ARPP21: variants seen among roughly 807,000 people sequenced by gnomAD.
ARPP21 encodes the protein cAMP regulated phosphoprotein 21.
In ARPP21, 69 loss-of-function variants were observed where a neutral mutation model predicts 113.2. That is an observed-to-expected ratio of 0.61 (90% confidence interval 0.50 to 0.74). The LOEUF (loss-of-function observed/expected upper bound fraction) is 0.74, where lower values mean the gene tolerates loss of function less well. Among genes scored for constraint, ARPP21 ranks in the 30% least tolerant of loss-of-function variants. The probability of loss-of-function intolerance (pLI) is 0.00; values close to 1 mark genes in which losing one functional copy is unlikely to be tolerated. For synonymous variants in ARPP21, 368 were observed against 375.5 expected (o/e 0.98, Z 0.23); for missense variants, 1,070 against 1,037.4 (o/e 1.03, Z -0.43).
intron 1 of ARPP21, among the ~76,000 whole-genome samples, chr3:35,664,441 A>G (rs1004176765): frequency 2.3e-4 from 35 of 152,166 alleles, no homozygotes; most frequent in Admixed American, 4.6e-4. Context: ...GACTCTCTCC[A>G]TCATCCCTCC....
intron 15 of ARPP21, among the ~76,000 whole-genome samples, chr3:35,736,498 A>G (rs1270241034): frequency 6.6e-6 from 1 of 152,228 alleles, no homozygotes; most frequent in Non-Finnish European, 1.5e-5. Context: ...TATGACGAAT[A>G]GCAGTATTAA....
At chr3:35,663,642 A>G (rs1452375673) in intron 1 of ARPP21, among the ~76,000 whole-genome samples, 2 of 152,116 alleles carry the variant, frequency 1.3e-5, no homozygotes, top group African/African-American at 4.8e-5. Flanking sequence ...AGATTTCACA[A>G]TGTTTGAAGG....
intron 1 of ARPP21, among the ~76,000 whole-genome samples, chr3:35,667,839 TCAAAGAAGAAGAAGAAGA>T (rs1241974704): frequency 0.011 from 513 of 48,424 alleles, 26 homozygotes; most frequent in African/African-American, 0.035. Context: ...ACTTTTATTC[TCAAAGAAGAAGAAGAAGA>T]AGAAGAAGAA....
At position 35,729,380 on chromosome 3, in the gene ARPP21, G is replaced by A. The variant is rs2093783310; in HGVS notation, c.1303G>A (p.Val435Ile). 1.2e-6 allele frequency: 2 copies of A among 1,614,054 alleles called. No individual in the cohort carries two copies. The highest frequency in any genetic ancestry group is 1.3e-5 in the African/African-American group (1 of 74,916). The part of the protein sequence containing the change: ...THPPLQSTPL[V>I]SGVAAGSPGC... ...TCCACCTCTCCAGAGCACACCCCTAGTCTCAGGTGTGGCAGCTGGCTCTCC... is the reference window on the plus strand; with the variant it reads ...TCCACCTCTCCAGAGCACACCCCTAATCTCAGGTGTGGCAGCTGGCTCTCC... Residue 435 changes from valine to isoleucine, a missense_variant, in exon 15 of 21, where the codon GTC becomes ATC. Coordinates refer to ENST00000684406, the MANE Select transcript of ARPP21 (RefSeq NM_001385562.1).
chr3:35,644,030 C>G (rs1239842366), intron 1 of ARPP21, among the ~76,000 whole-genome samples: 1 of 151,886 alleles, frequency 6.6e-6, no homozygotes, highest in Non-Finnish European at 1.5e-5. Context: ...TCTAGAAGCT[C>G]TACATTTCTG....
intron 5 of ARPP21, chr3:35,685,638 A>G (rs893781986): frequency 7.1e-6 from 7 of 985,124 alleles, no homozygotes; most frequent in Non-Finnish European, 8.4e-6. Flanking sequence ...CAGTGTGGGA[A>G]AAACTCTTGC....
intron 1 of ARPP21, among the ~76,000 whole-genome samples, chr3:35,669,562 T>C (rs2075804576): frequency 6.6e-6 from 1 of 152,192 alleles, no homozygotes; most frequent in South Asian, 2.1e-4. Context: ...TTTTGTGTAA[T>C]GCCAGATTTT....
At chr3:35,660,105 C>A (rs975731190) in intron 1 of ARPP21, among the ~76,000 whole-genome samples, 2 of 152,146 alleles carry the variant, frequency 1.3e-5, no homozygotes, top group African/African-American at 2.4e-5. Flanking sequence ...GCTTTTGGAC[C>A]TTGACTTCTT....
intron 1 of ARPP21, chr3:35,640,939 C>T (rs1697854033): frequency 6.6e-6 from 1 of 152,120 alleles, no homozygotes; most frequent in Admixed American, 6.5e-5. Context: ...TAGAAAGTTT[C>T]TTAGGAATAG....
chr3:35,685,042 C>G, intron 5 of ARPP21: 1 of 984,874 alleles, frequency 1.0e-6, no homozygotes, highest in Non-Finnish European at 1.2e-6. Flanking sequence ...TTGTAATGTA[C>G]TGCACACAAT....
intron 9 of ARPP21, among the ~76,000 whole-genome samples, chr3:35,702,508 C>A (rs140356693): frequency 5.3e-5 from 8 of 151,868 alleles, no homozygotes; most frequent in African/African-American, 1.9e-4. Context: ...CTTCCAAATG[C>A]ATGTTGTTTT....
intron 9 of ARPP21, among the ~76,000 whole-genome samples, chr3:35,697,870 G>A (rs1230383290): frequency 2.6e-5 from 4 of 151,542 alleles, no homozygotes; most frequent in Admixed American, 1.3e-4. Flanking sequence ...AGGAATGTGC[G>A]TGGCTCTGTG....
intron 1 of ARPP21, among the ~76,000 whole-genome samples, chr3:35,656,309 T>C (rs1024819831): frequency 2.0e-5 from 3 of 151,990 alleles, no homozygotes. Context: ...TCAAGGAAAA[T>C]TTTAAAATAA....
chr3:35,785,999 C>T (rs974435500), intron 19 of ARPP21, among the ~76,000 whole-genome samples: 3 of 151,836 alleles, frequency 2.0e-5, no homozygotes, highest in Admixed American at 1.3e-4. Flanking sequence ...AAGACATTTA[C>T]GTCAAAGATG....
chr3:35,671,169 G>T (rs1007171338), intron 1 of ARPP21, among the ~76,000 whole-genome samples: 1 of 151,986 alleles, frequency 6.6e-6, no homozygotes, highest in Admixed American at 6.6e-5. Flanking sequence ...TCTGCAACCC[G>T]CTCTTCAGCA....
At chr3:35,752,231 T>C (rs2095427483) in intron 19 of ARPP21, among the ~76,000 whole-genome samples, 1 of 151,870 alleles carries the variant, frequency 6.6e-6, no homozygotes, top group African/African-American at 2.4e-5. Context: ...TGCTGACTGA[T>C]ACTATGATAA....
chr3:35,684,797 A>T, intron 5 of ARPP21: 1 of 984,524 alleles, frequency 1.0e-6, no homozygotes, highest in Non-Finnish European at 1.2e-6. Context: ...GTCCTAAGAG[A>T]GTGTTTTTTT....
chr3:35,673,064 T>A (rs941812769), intron 1 of ARPP21, among the ~76,000 whole-genome samples: 1 of 152,020 alleles, frequency 6.6e-6, no homozygotes. Context: ...AGGTAGTTGT[T>A]TCATTGGTGT....
Position 35,690,112 on chromosome 3 carries a change from G to A in ARPP21, c.517G>A (p.Glu173Lys). 2.0e-6 allele frequency: 3 copies of A among 1,494,636 alleles called. No homozygotes were observed. Among genetic ancestry groups the A allele is most frequent in the Non-Finnish European group, 2.8e-6 (3 of 1,072,862 alleles). 92.6% of individuals were successfully genotyped at this position (1,494,636 alleles called of 1,614,324 possible). The change falls in exon 8 of 21, where the codon GAA (glutamate) becomes AAA (lysine). Residue 173 changes from glutamate (E) to lysine (K), a missense_variant. Coordinates refer to ENST00000684406, the MANE Select transcript of ARPP21 (RefSeq NM_001385562.1). ...GATGATACTTTTGAAAATGGAGCAG[G>A]AAATTATTGATTTCATTGCTGACAA... ...DRMILLKMEQEIIDFIADNNN... is the reference protein window; with the variant it reads ...DRMILLKMEQKIIDFIADNNN...
Sources: allele counts gnomAD v4.1 joint callset (sites outside exome capture counted in the v4.1 genomes callset), GRCh38; gene constraint gnomAD v4.1.1; transcripts MANE v1.5; gene names NCBI Gene and HGNC (gene_info 2026-07-23, HGNC 2026-07-21).